SNX24: variants seen among roughly 807,000 people sequenced by gnomAD.
SNX24 encodes the protein sorting nexin 24, also known as sorting nexin-24.
Under a neutral mutation model 28.7 loss-of-function variants are expected in SNX24, and 22 were observed. The ratio of observed to expected loss-of-function variants is 0.77; its 90% CI spans 0.55 to 1.10. The LOEUF is 1.10. SNX24 is among the 50% of genes least tolerant of loss of function. SNX24 has a pLI of 0.00. For missense variants in SNX24, 221 were observed against 201.1 expected (o/e 1.10, Z -0.60); for synonymous variants, 69 against 71.5 (o/e 0.96, Z 0.18).
downstream of SNX24, among the ~76,000 whole-genome samples, chr5:123,013,766 T>G (rs983502987): frequency 5.9e-5 from 9 of 152,318 alleles, no homozygotes; most frequent in Admixed American, 1.3e-4. Flanking sequence ...GCTACAATAT[T>G]CTATGTCATT....
intron 1 of SNX24, among the ~76,000 whole-genome samples, chr5:122,927,989 A>G (rs1758774813): frequency 6.6e-6 from 1 of 151,988 alleles, no homozygotes; most frequent in Non-Finnish European, 1.5e-5. Flanking sequence ...TCACCATTGC[A>G]TTTCATTCTC....
chr5:122,924,802 C>A (rs1010895250), intron 1 of SNX24, among the ~76,000 whole-genome samples: 1 of 152,122 alleles, frequency 6.6e-6, no homozygotes, highest in Admixed American at 6.5e-5. Context: ...TAAGCAACAT[C>A]TGTAAGGAAA....
intron 3 of SNX24, among the ~76,000 whole-genome samples, chr5:122,977,918 G>T (rs1761236674): frequency 6.6e-6 from 1 of 151,954 alleles, no homozygotes; most frequent in Non-Finnish European, 1.5e-5. Context: ...AGAACTTTGG[G>T]GAAAATTTTA....
chr5:122,923,356 AT>A (rs1372383274), intron 1 of SNX24, among the ~76,000 whole-genome samples: 8 of 152,062 alleles, frequency 5.3e-5, no homozygotes, highest in African/African-American at 1.7e-4. Context: ...AAAAATTAAA[AT>A]TAAAAAAAAA....
intron 6 of SNX24, among the ~76,000 whole-genome samples, chr5:123,004,497 A>C (rs1010223659): frequency 8.5e-5 from 13 of 152,146 alleles, no homozygotes; most frequent in Admixed American, 2.6e-4. Flanking sequence ...ATGCTGTCAT[A>C]GACCCTCTCC....
intron 3 of SNX24, 84 bp downstream of exon 3, chr5:122,946,243 G>A (rs1373835888): frequency 7.6e-6 from 5 of 662,004 alleles, no homozygotes; most frequent in Non-Finnish European, 1.3e-5. Flanking sequence ...TGAGTGCAAT[G>A]TAAAATATGT....
At chr5:122,941,109 C>T (rs1452862969) in intron 2 of SNX24, among the ~76,000 whole-genome samples, 3 of 152,130 alleles carry the variant, frequency 2.0e-5, no homozygotes, top group South Asian at 4.1e-4. Flanking sequence ...GCTATGACAC[C>T]ATAAACTCAA....
At chr5:122,880,414 C>G (rs2150060056) in intron 1 of SNX24, among the ~76,000 whole-genome samples, 1 of 152,228 alleles carries the variant, frequency 6.6e-6, no homozygotes, top group Middle Eastern at 3.4e-3. Flanking sequence ...AAGCTACTGC[C>G]CACATGCCCT....
chr5:123,010,292 CTTT>C (rs111250838), downstream of SNX24, among the ~76,000 whole-genome samples: 19 of 146,258 alleles, frequency 1.3e-4, no homozygotes, highest in Non-Finnish European at 1.8e-4. Flanking sequence ...GATGATGGAA[CTTT>C]TTTTTTTTTT....
Position 123,007,786 on chromosome 5 carries a change from C to T in SNX24, c.*37C>T, listed in dbSNP as rs550844030. On this transcript the variant is annotated 3_prime_UTR_variant, in exon 7 of 7. Coordinates refer to ENST00000261369, the MANE Select transcript of SNX24 (RefSeq NM_014035.4). Reference sequence around the variant, plus strand: ...GGCTAAAAGAAGCAGAAGCAAGTTTCGAAGTCACAGTCAAGGAAATCAATA... The same window carrying T: ...GGCTAAAAGAAGCAGAAGCAAGTTTTGAAGTCACAGTCAAGGAAATCAATA... 2.2e-5 allele frequency: 34 copies of T among 1,579,190 alleles called. No individual in the cohort carries two copies. Among genetic ancestry groups the T allele is most frequent in the Non-Finnish European group, 2.5e-5 (29 of 1,170,598 alleles).
At chr5:122,850,622 C>T (rs984705281) in intron 1 of SNX24, among the ~76,000 whole-genome samples, 9 of 151,968 alleles carry the variant, frequency 5.9e-5, no homozygotes, top group Non-Finnish European at 1.5e-5. Context: ...GTGTGACTAC[C>T]GTGGGTGCAG....
intron 1 of SNX24, among the ~76,000 whole-genome samples, chr5:122,845,976 G>A (rs1183868803): frequency 6.6e-6 from 1 of 152,166 alleles, no homozygotes; most frequent in African/African-American, 2.4e-5. Context: ...TCTCCCCGCC[G>A]CCCGCCTTCG....
Position 123,023,643 on chromosome 5 carries a change from T to G in SNX24, n.384-5595T>G, listed in dbSNP as rs1010767619. The G allele has an allele frequency of 2.7e-5, 12 of 442,944 alleles. 1 individual carries two copies. Among genetic ancestry groups the G allele is most frequent in the African/African-American group, 2.4e-4 (12 of 49,402 alleles). 27.4% of individuals were successfully genotyped at this position (442,944 alleles called of 1,614,324 possible). On this transcript the variant is annotated intron_variant and non_coding_transcript_variant, in intron 5 of 5. Coordinates refer to the SNX24 transcript ENST00000502387. ...TTTTTTAGTTTTAAAATAGCACCAC[T>G]TGAGGAAGGGGATATATTTAAGTTC... is the stretch of plus-strand genomic sequence containing the variant.
Position 122,962,380 on chromosome 5 carries a change from G to A in SNX24, c.249+16221G>A, listed in dbSNP as rs568887630. Among the ~76,000 whole-genome samples the A allele has an allele frequency of 2.0e-4, 30 of 152,140 alleles. 1 individual carries two copies. The South Asian group carries it at 6.2e-3, about 32-fold the overall frequency. On this transcript the variant is annotated intron_variant, in intron 3 of 6. Transcript: ENST00000261369. ...TGCTTTCCATTGATCTCAAAATATG[G>A]TATATACTTTAAATATGACATATCA...
intron 3 of SNX24, among the ~76,000 whole-genome samples, chr5:122,991,364 C>T (rs1232743971): frequency 1.3e-5 from 2 of 152,000 alleles, no homozygotes; most frequent in Non-Finnish European, 2.9e-5. Flanking sequence ...AGTAATTGTA[C>T]CCAGTTATTT....
intron 3 of SNX24, among the ~76,000 whole-genome samples, chr5:122,967,685 C>T (rs1760770299): frequency 6.6e-6 from 1 of 152,200 alleles, no homozygotes; most frequent in African/African-American, 2.4e-5. Context: ...ATCCCCACAA[C>T]CAGGGGCCTG....
intron 1 of SNX24, among the ~76,000 whole-genome samples, chr5:122,882,502 T>C (rs1756526048): frequency 6.6e-6 from 1 of 152,258 alleles, no homozygotes; most frequent in Non-Finnish European, 1.5e-5. Context: ...GAGAGCCCTC[T>C]AGGCCTTCCG....
At chr5:122,922,954 T>C (rs246270) in intron 1 of SNX24, among the ~76,000 whole-genome samples, 117,135 of 152,090 alleles carry the variant, frequency 0.77, 45,987 homozygotes, top group East Asian at 0.99. Flanking sequence ...GTAATCACAT[T>C]TTTACAGTGC....
chr5:122,999,670 G>A lies in SNX24; in HGVS notation c.250-242G>A, dbSNP rs534836315. On this transcript the variant is annotated intron_variant, in intron 3 of 6. Coordinates refer to ENST00000261369, the MANE Select transcript of SNX24 (RefSeq NM_014035.4). ...CTAGTCAGCATCTAGTGTATAGTAG[G>A]TGCTCTATAAATGCCAGTTGAATGA... 9.2e-5 allele frequency among the ~76,000 whole-genome samples: 14 copies of A among 152,214 alleles called. No homozygotes were observed. In the South Asian group the frequency reaches 2.7e-3, roughly 29 times the overall value.
Sources: allele counts gnomAD v4.1 joint callset (sites outside exome capture counted in the v4.1 genomes callset), GRCh38; gene constraint gnomAD v4.1.1; transcripts MANE v1.5; gene names NCBI Gene and HGNC (gene_info 2026-07-23, HGNC 2026-07-21).